PARD3: variants seen among roughly 807,000 people sequenced by gnomAD.
PARD3 encodes the protein partitioning defective 3 homolog.
PARD3 carries 75 observed loss-of-function variants against 155.4 expected under a neutral mutation model. The observed-to-expected ratio is 0.48, with a 90% confidence interval of 0.40 to 0.58. The LOEUF is 0.58. PARD3 is among the 20% of genes least tolerant of loss of function. The probability of loss-of-function intolerance (pLI) is 0.00; values close to 1 mark genes in which losing one functional copy is unlikely to be tolerated. For synonymous variants in PARD3, 576 were observed against 610.5 expected, an observed-to-expected ratio of 0.94 and a Z score of 0.83; for missense variants, 1,642 against 1,721.7, an observed-to-expected ratio of 0.95 and a Z score of 0.82.
At chr10:34,156,485 G>A (rs1242748358) in intron 22 of PARD3, among the ~76,000 whole-genome samples, 2 of 152,118 alleles carry the variant, frequency 1.3e-5, no homozygotes, top group South Asian at 2.1e-4. Flanking sequence ...ATAAAGAGAC[G>A]GCTCATGGTC....
chr10:34,129,112 T>C (rs1387067164), intron 23 of PARD3, among the ~76,000 whole-genome samples: 1 of 152,270 alleles, frequency 6.6e-6, no homozygotes, highest in East Asian at 1.9e-4. Flanking sequence ...TAAACTTTCA[T>C]TTCATCCAAG....
In PARD3 at chr10:34,470,109, C is replaced by G; in HGVS notation, c.558G>C (p.Gly186=). ...TAGFLKQNTA[G]SPKTCDRKKD... ...CCTTCCTGTCGCAGGTTTTAGGACT[C>G]CCAGCAGTGTTCTGCTTGAGGAAGC... The change falls in exon 4 of 25, where the codon GGG becomes GGC. Residue 186 remains glycine (G), a synonymous_variant. Coordinates refer to ENST00000374788, the MANE Select transcript of PARD3 (RefSeq NM_001184785.2). 1 of 1,610,816 alleles carries G rather than the reference C, an allele frequency of 6.2e-7. No homozygotes were observed. Among genetic ancestry groups the G allele is most frequent in the African/African-American group, 1.3e-5 (1 of 74,854 alleles).
Position 34,814,928 on chromosome 10 carries a change from A to G in PARD3, c.68T>C (p.Val23Ala). The change falls in exon 1 of 25, where the codon GTT (valine) becomes GCT (alanine). Residue 23 changes from valine to alanine, a missense_variant. Physicochemically the swap from Val to Ala is moderately conservative, Grantham distance 64. Transcript: ENST00000374788. Reference protein sequence around the residue: ...VVPCGDGHMKVFSLIQQAVTR... With the variant: ...VVPCGDGHMKAFSLIQQAVTR... Reference sequence around the variant, plus strand: ...CACCGCCTGCTGGATGAGGCTGAAAACTTTCATGTGGCCGTCCCCGCACGG... The same window carrying G: ...CACCGCCTGCTGGATGAGGCTGAAAGCTTTCATGTGGCCGTCCCCGCACGG... The G allele has an allele frequency of 6.4e-7, 1 of 1,563,004 alleles. No individual in the cohort carries two copies. Among genetic ancestry groups the G allele is most frequent in the Middle Eastern group, 1.8e-4 (1 of 5,414 alleles).
Position 34,261,821 on chromosome 10 carries a change from G to GAAAC in PARD3, c.3419+7835_3419+7836insGTTT, listed in dbSNP as rs1385294198. 1.6e-4 allele frequency among the ~76,000 whole-genome samples: 16 copies of GAAAC among 102,872 alleles called. No individual in the cohort carries two copies. The East Asian group carries it at 1.7e-3, about 11-fold the overall frequency. The allele number at this position is 102,872 out of a possible 152,430, so 67.5% of individuals were successfully genotyped here. On this transcript the variant is annotated intron_variant, in intron 22 of 24. Coordinates refer to ENST00000374788, the MANE Select transcript of PARD3 (RefSeq NM_001184785.2). The stretch of plus-strand genomic sequence containing the variant: ...AGAAAGAAAGAAAGAAAGAAAGAAA[G>GAAAC]AAAGAAACAAACAAACAAACAAACA...
intron 9 of PARD3, among the ~76,000 whole-genome samples, chr10:34,378,901 A>C (rs997607595): frequency 2.6e-5 from 4 of 152,230 alleles, no homozygotes; most frequent in African/African-American, 9.6e-5. Context: ...AGACAGTCTT[A>C]CATGCTCAAT....
chr10:34,313,824 T>G (rs187429472), intron 20 of PARD3, among the ~76,000 whole-genome samples: 2 of 152,232 alleles, frequency 1.3e-5, no homozygotes, highest in African/African-American at 4.8e-5. Flanking sequence ...GAGCCTGTTT[T>G]TAAAGGAAAA....
At chr10:34,355,326 A>G (rs367799978) in intron 14 of PARD3, among the ~76,000 whole-genome samples, 14 of 152,052 alleles carry the variant, frequency 9.2e-5, no homozygotes, top group African/African-American at 3.1e-4. Context: ...AGAGAGCAAG[A>G]CGCTGTCTCC....
chr10:34,607,066 G>A lies in PARD3; in HGVS notation c.222+89252C>T, dbSNP rs545874902. 4.0e-5 allele frequency among the ~76,000 whole-genome samples: 6 copies of A among 151,684 alleles called. No individual in the cohort carries two copies. In the South Asian group the frequency reaches 6.3e-4, roughly 16 times the overall value. Reference sequence around the variant, plus strand: ...ATAGATGCATAAGATGAGAGGCCACGTTGAGAAATGTGTTTCAGCACAAAT... The same window carrying A: ...ATAGATGCATAAGATGAGAGGCCACATTGAGAAATGTGTTTCAGCACAAAT... On this transcript the variant is annotated intron_variant, in intron 2 of 24. Transcript: ENST00000374788.
chr10:34,242,490 C>T (rs893132924), intron 22 of PARD3, among the ~76,000 whole-genome samples: 5 of 152,052 alleles, frequency 3.3e-5, no homozygotes, highest in Admixed American at 1.3e-4. Context: ...GTTCAACTCC[C>T]GTAAAATGAG....
intron 12 of PARD3, among the ~76,000 whole-genome samples, chr10:34,370,507 T>G (rs1159111965): frequency 2.0e-5 from 3 of 152,176 alleles, no homozygotes; most frequent in Non-Finnish European, 2.9e-5. Flanking sequence ...CTTAATCTCC[T>G]GGGCTCAAGT....
intron 22 of PARD3, among the ~76,000 whole-genome samples, chr10:34,268,182 T>C (rs1399024809): frequency 3.3e-5 from 5 of 152,142 alleles, no homozygotes; most frequent in Non-Finnish European, 5.9e-5. Flanking sequence ...TAAGTAAATA[T>C]ATAGCCATTA....
At chr10:34,579,089 G>A (rs959598075) in intron 2 of PARD3, among the ~76,000 whole-genome samples, 6 of 152,098 alleles carry the variant, frequency 3.9e-5, no homozygotes, top group Non-Finnish European at 7.4e-5. Flanking sequence ...GTCCAACATG[G>A]TGAAACCCCA....
At chr10:34,497,479 G>A (rs1009665128) in intron 3 of PARD3, among the ~76,000 whole-genome samples, 4 of 152,128 alleles carry the variant, frequency 2.6e-5, no homozygotes, top group East Asian at 3.9e-4. Context: ...ACCCCCAAGC[G>A]ATACTGAAGG....
At chr10:34,375,028 T>G (rs565181787) in intron 10 of PARD3, 26 bp from the exon 11 acceptor site, 1 of 1,591,408 alleles carries the variant, frequency 6.3e-7, no homozygotes, top group Non-Finnish European at 8.6e-7. Flanking sequence ...AGTTTTCAGC[T>G]GTAATCCTGT....
Position 34,200,601 on chromosome 10 carries a change from G to A in PARD3, c.3420-69018C>T, listed in dbSNP as rs141750999. Among the ~76,000 whole-genome samples, 4 of 152,256 alleles carry A rather than the reference G, an allele frequency of 2.6e-5. No individual in the cohort carries two copies. In the East Asian group the frequency reaches 7.7e-4, roughly 29 times the overall value. On this transcript the variant is annotated intron_variant, in intron 22 of 24. Coordinates refer to ENST00000374788, the MANE Select transcript of PARD3 (RefSeq NM_001184785.2). ...TCCATCACATGGCTTAGTACTTACT[G>A]AACCCTGATAAGGCATCAACAGCAC...
chr10:34,787,089 A>C (rs1036399827), intron 1 of PARD3, among the ~76,000 whole-genome samples: 2 of 152,212 alleles, frequency 1.3e-5, no homozygotes, highest in Non-Finnish European at 2.9e-5. Flanking sequence ...TACACCAAGA[A>C]TATAAAGATA....
At chr10:34,349,574 G>A (rs1837785791) in intron 14 of PARD3, among the ~76,000 whole-genome samples, 1 of 82,932 alleles carries the variant, frequency 1.2e-5, no homozygotes, top group Non-Finnish European at 2.0e-5. Context: ...AGAGACTCTG[G>A]GAAAGTAAAA....
chr10:34,397,961 AG>A (rs1843497234), intron 7 of PARD3, among the ~76,000 whole-genome samples: 1 of 152,182 alleles, frequency 6.6e-6, no homozygotes, highest in Admixed American at 6.5e-5. Context: ...AATAAAGGCA[AG>A]GCCATGTTGA....
In PARD3 at chr10:34,561,866, T is replaced by G. The variant is rs1440566829; in HGVS notation, c.223-44707A>C. On this transcript the variant is annotated intron_variant, in intron 2 of 24. Coordinates refer to ENST00000374788, the MANE Select transcript of PARD3 (RefSeq NM_001184785.2). The stretch of plus-strand genomic sequence containing the variant: ...CAACTCTCAGCCCAGTATGGTGGGC[T>G]GAAACCTGTAATCCTAGCACTTTGG... 8.6e-5 allele frequency among the ~76,000 whole-genome samples: 13 copies of G among 151,606 alleles called. No homozygotes were observed. In the East Asian group the frequency reaches 2.6e-3, roughly 30 times the overall value.
Sources: gnomAD v4.1 joint callset for allele counts (sites outside exome capture counted in the v4.1 genomes callset) on GRCh38, gnomAD v4.1.1 for gene constraint, MANE v1.5 for transcripts, NCBI Gene and HGNC (gene_info 2026-07-23, HGNC 2026-07-21) for gene names.